The following CACNA1D variants were observed in gnomAD, a reference collection of about 807,000 sequenced individuals.
The protein encoded by CACNA1D is voltage-dependent L-type calcium channel subunit alpha-1D.
CACNA1D carries 55 observed loss-of-function variants against 257.1 expected under a neutral mutation model. That is an observed-to-expected ratio of 0.21 (90% CI 0.17 to 0.27). The LOEUF (loss-of-function observed/expected upper bound fraction) is 0.27. Among genes scored for constraint, CACNA1D ranks in the 10% least tolerant of loss-of-function variants. The probability of loss-of-function intolerance (pLI) is 1.00; values close to 1 mark genes in which losing one functional copy is unlikely to be tolerated. For synonymous variants in CACNA1D, 980 were observed against 1,014.9 expected (o/e 0.97, Z 0.65); for missense variants, 1,876 against 2,784.0 (o/e 0.67, Z 7.34).
chr3:53,673,842 C>T lies in CACNA1D; in HGVS notation c.1220+716C>T, dbSNP rs2094348576. On this transcript the variant is annotated intron_variant, in intron 8 of 47. Transcript: ENST00000350061. This position sits in a 1 kb window ranked among gnomAD's most constrained non-coding sequence, Gnocchi z 4.1. ...GTAAGCAGTCGGATCCGTGTTGCAC[C>T]TTCTCCTGCTGCCACGTGTGAGGCA... 4 of 1,445,682 alleles carry T rather than the reference C, an allele frequency of 2.8e-6. No individual in the cohort carries two copies. In the South Asian group the frequency reaches 4.6e-5, roughly 16 times the overall value. 89.6% of individuals were successfully genotyped at this position (1,445,682 alleles called of 1,614,324 possible).
At chr3:53,623,405 G>A (rs1036638281) in intron 3 of CACNA1D, among the ~76,000 whole-genome samples, 2 of 152,194 alleles carry the variant, frequency 1.3e-5, no homozygotes, top group African/African-American at 4.8e-5. Context: ...TAGATTGATG[G>A]ATGGGTTGAG....
intron 3 of CACNA1D, among the ~76,000 whole-genome samples, chr3:53,523,761 C>G (rs2091664391): frequency 6.6e-6 from 1 of 152,232 alleles, no homozygotes; most frequent in African/African-American, 2.4e-5. Flanking sequence ...GCAAGATCAC[C>G]AGGGTTCTCA....
intron 4 of CACNA1D, among the ~76,000 whole-genome samples, chr3:53,658,235 C>T (rs1182830113): frequency 1.3e-5 from 2 of 151,306 alleles, no homozygotes; most frequent in South Asian, 2.1e-4. Context: ...AACAGAATCA[C>T]GGAATATTAG....
rs573009685 is a variant in CACNA1D at position 53,652,745 on chromosome 3, C to A, written c.623+1827C>A. On this transcript the variant is annotated intron_variant, in intron 4 of 47. Transcript: ENST00000350061. ...ATGGGCTAAGTCCTAGCCCATCTAG[C>A]CTGCCACCTATTTTTATAAATAAAG... Among the ~76,000 whole-genome samples the A allele has an allele frequency of 4.1e-4, 62 of 152,320 alleles. 1 individual carries two copies. The highest frequency in any genetic ancestry group is 1.5e-3 in the African/African-American group (61 of 41,568).
chr3:53,770,421 C>A lies in CACNA1D; in HGVS notation c.3916-3C>A. On this transcript the variant is annotated splice_polypyrimidine_tract_variant and splice_region_variant and intron_variant, in intron 31 of 47. Coordinates refer to ENST00000350061, the MANE Select transcript of CACNA1D (RefSeq NM_001128840.3). Reference sequence around the variant, plus strand: ...GTTTGACCTCTCCATGATAACCCTTCAGAACTCTGAAGAGAGCAATAGAAT... The same window carrying A: ...GTTTGACCTCTCCATGATAACCCTTAAGAACTCTGAAGAGAGCAATAGAAT... The A allele has an allele frequency of 6.2e-7, 1 of 1,613,946 alleles. No homozygotes were observed. Among genetic ancestry groups the A allele is most frequent in the South Asian group, 1.1e-5 (1 of 91,076 alleles).
At chr3:53,803,122 C>G (rs1459383900) in intron 43 of CACNA1D, among the ~76,000 whole-genome samples, 2 of 152,006 alleles carry the variant, frequency 1.3e-5, no homozygotes, top group African/African-American at 4.8e-5. Context: ...TTTTTTTGTT[C>G]TGTTCTCCAA....
intron 3 of CACNA1D, among the ~76,000 whole-genome samples, chr3:53,577,423 G>A (rs2093056765): frequency 6.6e-6 from 1 of 152,062 alleles, no homozygotes; most frequent in Non-Finnish European, 1.5e-5. Context: ...TGGCAGCCCT[G>A]GATTTATATC....
chr3:53,595,918 C>A (rs1383675580), intron 3 of CACNA1D, among the ~76,000 whole-genome samples: 1 of 152,050 alleles, frequency 6.6e-6, no homozygotes, highest in Non-Finnish European at 1.5e-5. Context: ...GTGTGTATAG[C>A]AAAATGTGTT....
intron 3 of CACNA1D, among the ~76,000 whole-genome samples, chr3:53,604,343 C>A (rs992850049): frequency 1.3e-5 from 2 of 152,150 alleles, no homozygotes; most frequent in African/African-American, 2.4e-5. Flanking sequence ...GATGACTGGC[C>A]AGCAGATGGG....
intron 21 of CACNA1D, among the ~76,000 whole-genome samples, chr3:53,741,634 G>T (rs139481531): frequency 6.6e-6 from 1 of 152,192 alleles, no homozygotes; most frequent in Non-Finnish European, 1.5e-5. Context: ...GTGGGATGGT[G>T]ACCAGCTCTT....
chr3:53,507,296 A>G (rs1008867964), intron 3 of CACNA1D, among the ~76,000 whole-genome samples: 20 of 152,240 alleles, frequency 1.3e-4, no homozygotes, highest in African/African-American at 4.8e-4. Context: ...GGCTTTTCCA[A>G]AATAAAATCC....
At chr3:53,659,788 T>C (rs2094185231) in intron 4 of CACNA1D, among the ~76,000 whole-genome samples, 1 of 152,262 alleles carries the variant, frequency 6.6e-6, no homozygotes, top group Middle Eastern at 3.2e-3. Context: ...ACATAGCAAG[T>C]GCTCATGAAT....
chr3:53,786,957 ATTG>A lies in CACNA1D; in HGVS notation c.4923+10_4923+12del. ...AACACCACAATTGCCCTACAGGTGAATTGTTGTCTCATTTTGTTTTCTCTTTTG... is the reference window on the plus strand; with the variant it reads ...AACACCACAATTGCCCTACAGGTGAATTGTCTCATTTTGTTTTCTCTTTTG... On this transcript the variant is annotated splice_donor_region_variant and intron_variant, in intron 40 of 47. Transcript: ENST00000350061. The A allele has an allele frequency of 6.2e-7, 1 of 1,613,988 alleles. No individual in the cohort carries two copies. The highest frequency in any genetic ancestry group is 2.2e-5 in the East Asian group (1 of 44,882).
At chr3:53,787,464 T>A (rs1332092619) in intron 40 of CACNA1D, among the ~76,000 whole-genome samples, 1 of 151,972 alleles carries the variant, frequency 6.6e-6, no homozygotes, top group Non-Finnish European at 1.5e-5. Context: ...TATGTATGTA[T>A]GTGTGGTGTG....
intron 22 of CACNA1D, 63 bp from the exon 23 acceptor site, chr3:53,744,677 A>G (rs1423837849): frequency 1.1e-6 from 1 of 887,524 alleles, no homozygotes; most frequent in Non-Finnish European, 1.9e-6. Context: ...GAAAGGGTGA[A>G]TCTCAAAGCA....
intron 3 of CACNA1D, among the ~76,000 whole-genome samples, chr3:53,533,982 A>G (rs2092033786): frequency 6.6e-6 from 1 of 152,220 alleles, no homozygotes; most frequent in South Asian, 2.1e-4. Flanking sequence ...TATTATTAAA[A>G]AGACTCATAG....
intron 3 of CACNA1D, among the ~76,000 whole-genome samples, chr3:53,649,752 T>C (rs2094068020): frequency 6.6e-6 from 1 of 152,250 alleles, no homozygotes; most frequent in South Asian, 2.1e-4. Flanking sequence ...TAGGACTCTA[T>C]AGTTCATATT....
intron 14 of CACNA1D, among the ~76,000 whole-genome samples, chr3:53,726,673 A>AC (rs1553648803): frequency 6.6e-6 from 1 of 151,860 alleles, no homozygotes; most frequent in Non-Finnish European, 1.5e-5. Context: ...TAATAAGGTT[A>AC]TTTTTTTTCA....
intron 30 of CACNA1D, among the ~76,000 whole-genome samples, chr3:53,764,891 C>A (rs965386394): frequency 6.6e-6 from 1 of 152,204 alleles, no homozygotes; most frequent in African/African-American, 2.4e-5. Flanking sequence ...AGTGTGCTTT[C>A]AGTCAGTGAC....
Sources: allele counts gnomAD v4.1 joint callset (sites outside exome capture counted in the v4.1 genomes callset), GRCh38; gene constraint gnomAD v4.1.1; non-coding constraint Gnocchi (gnomAD v3.1); transcripts MANE v1.5; gene names NCBI Gene and HGNC (gene_info 2026-07-23, HGNC 2026-07-21).